ISG20: variants seen among roughly 807,000 people sequenced by gnomAD.
The protein encoded by ISG20 is interferon stimulated exonuclease gene 20, also known as interferon-stimulated gene 20 kDa protein.
A neutral mutation model predicts 11.1 loss-of-function variants in ISG20; 8 were observed. The observed-to-expected ratio is 0.72, with a 90% CI of 0.42 to 1.30. The LOEUF (loss-of-function observed/expected upper bound fraction) is 1.30. ISG20 is among the 50% of genes most tolerant of loss of function. The pLI is 0.01. For synonymous variants in ISG20, 110 were observed against 101.7 expected (o/e 1.08, Z -0.49); for missense variants, 243 against 250.2 (o/e 0.97, Z 0.19).
At chr15:88,636,777 C>T (rs1470192120), upstream of ISG20, among the ~76,000 whole-genome samples, 7 of 152,140 alleles carry the variant, frequency 4.6e-5, no homozygotes, top group African/African-American at 7.2e-5. Flanking sequence ...CAAGCAAATC[C>T]GCCTCAGCCT....
At chr15:88,651,994 T>G in intron 2 of ISG20, 116 bp from the exon 3 acceptor site, 10 of 1,533,628 alleles carry the variant, frequency 6.5e-6, no homozygotes, top group Non-Finnish European at 8.8e-6. Flanking sequence ...CAGGGAGGAC[T>G]GATAATTTGC....
In ISG20 at chr15:88,656,404, A is replaced by C. The variant is rs1365830017; in HGVS notation, c.*873A>C. 1 of 152,114 alleles carries C rather than the reference A, an allele frequency of 6.6e-6. No homozygotes were observed. Among genetic ancestry groups the C allele is most frequent in the Non-Finnish European group, 1.5e-5 (1 of 68,036 alleles). The allele number at this position is 152,114 out of a possible 1,614,324, so 9.4% of individuals were successfully genotyped here. On this transcript the variant is annotated 3_prime_UTR_variant, in exon 4 of 4. Transcript: ENST00000306072. ...GACCAGAGCTGTCCCTGATCGCTAG[A>C]ATCAACGGCAGAATTCTTGTTATTT...
At chr15:88,644,936 C>T (rs567387872) in intron 2 of ISG20, among the ~76,000 whole-genome samples, 9 of 152,226 alleles carry the variant, frequency 5.9e-5, no homozygotes, top group African/African-American at 9.6e-5. Flanking sequence ...CCTGGAAAAC[C>T]GCAATTCCCT....
rs977919627 is a variant in ISG20 at position 88,639,894 on chromosome 15, C to A, written c.228+300C>A. 2.0e-5 allele frequency among the ~76,000 whole-genome samples: 3 copies of A among 152,210 alleles called. No homozygotes were observed. The highest frequency in any genetic ancestry group is 2.9e-5 in the Non-Finnish European group (2 of 68,038). ...CACAGTGACTTGGGGTCTACATTCC[C>A]CATTCTTCCCTCTACCCCAGGCTGC... is the stretch of plus-strand genomic sequence containing the variant. On this transcript the variant is annotated intron_variant, in intron 2 of 3. Transcript: ENST00000306072. This position sits in a 1 kb window ranked among gnomAD's most constrained non-coding sequence, Gnocchi z 4.2.
In ISG20 at chr15:88,655,536, C is replaced by T; in HGVS notation, c.*5C>T. 6.2e-7 allele frequency: 1 copy of T among 1,610,906 alleles called. No homozygotes were observed. The highest frequency in any genetic ancestry group is 8.5e-7 in the Non-Finnish European group (1 of 1,177,786). On this transcript the variant is annotated 3_prime_UTR_variant, in exon 4 of 4. Transcript: ENST00000306072. The stretch of plus-strand genomic sequence containing the variant: ...CGCCTGGCTGTGTCAGACTGAAGCC[C>T]CATCCAGCCCGTTCCGCAGGGACTA...
intron 2 of ISG20, among the ~76,000 whole-genome samples, chr15:88,641,977 A>G (rs142173027): frequency 6.1e-4 from 77 of 126,182 alleles, no homozygotes; most frequent in African/African-American, 1.6e-3. Context: ...TCTGTTGTCT[A>G]GGCTGGACTG....
At chr15:88,641,830 C>T (rs570162831) in intron 2 of ISG20, among the ~76,000 whole-genome samples, 14 of 151,734 alleles carry the variant, frequency 9.2e-5, no homozygotes, top group African/African-American at 3.1e-4. Context: ...TGGGGTTTTA[C>T]CATGTTGGCC....
rs560329491 is a variant in ISG20 at position 88,649,990 on chromosome 15, T to A, written c.229-2120T>A. ...TCTCTGAGCCTCAGTCTCCTGTGGTTGCCAGGGGAGAACATGTAAAAGGGA... is the reference window on the plus strand; with the variant it reads ...TCTCTGAGCCTCAGTCTCCTGTGGTAGCCAGGGGAGAACATGTAAAAGGGA... On this transcript the variant is annotated intron_variant, in intron 2 of 3. Transcript: ENST00000306072. The A allele has an allele frequency of 1.2e-4, 61 of 513,838 alleles. No individual in the cohort carries two copies. In the East Asian group the frequency reaches 1.6e-3, roughly 13 times the overall value. 31.8% of individuals were successfully genotyped at this position (513,838 alleles called of 1,614,324 possible).
At position 88,652,263 on chromosome 15, in the gene ISG20, GT is replaced by G; in HGVS notation, c.383del (p.Val128AlafsTer6). The G allele has an allele frequency of 6.2e-7, 1 of 1,613,752 alleles. No individual in the cohort carries two copies. The highest frequency in any genetic ancestry group is 8.5e-7 in the Non-Finnish European group (1 of 1,179,762). On this transcript the variant is annotated frameshift_variant, in exon 3 of 4. Transcript: ENST00000306072. LOFTEE classifies it low-confidence loss of function (END_TRUNC). ...GGCCAAGCTGGACCACTGCAGGCGT[GT>G]CTCCCTGCGGGTGCTGAGTGAGCGC... ...REAKLDHCRRVSLRVLSERLL... is the reference protein window; with the variant it reads ...REAKLDHCRRXSLRVLSERLL...
At chr15:88,641,779 G>C (rs545439851) in intron 2 of ISG20, among the ~76,000 whole-genome samples, 14 of 151,786 alleles carry the variant, frequency 9.2e-5, no homozygotes, top group Non-Finnish European at 1.6e-4. Context: ...CTACAGGCAC[G>C]AGCCACCACA....
chr15:88,642,294 G>A (rs190348433), intron 2 of ISG20, among the ~76,000 whole-genome samples: 11 of 152,244 alleles, frequency 7.2e-5, no homozygotes, highest in African/African-American at 2.4e-4. Context: ...ACTCCAGTGT[G>A]ACTTCATCCT....
At chr15:88,651,858 C>T in intron 2 of ISG20, 2 of 1,352,332 alleles carry the variant, frequency 1.5e-6, no homozygotes, top group South Asian at 1.6e-5. Flanking sequence ...GATGTACTAA[C>T]CATTGCTCCT....
Position 88,650,639 on chromosome 15 carries a change from G to C in ISG20, c.229-1471G>C. The C allele has an allele frequency of 2.7e-6, 1 of 370,890 alleles. No individual in the cohort carries two copies. The highest frequency in any genetic ancestry group is 7.9e-5 in the East Asian group (1 of 12,672). 23.0% of individuals were successfully genotyped at this position (370,890 alleles called of 1,614,324 possible). On this transcript the variant is annotated intron_variant, in intron 2 of 3. Transcript: ENST00000306072. This position sits in a 1 kb window ranked among gnomAD's most constrained non-coding sequence, Gnocchi z 4.0. The stretch of plus-strand genomic sequence containing the variant: ...CAGTTAAGGCACCTTGAAGGCTGGG[G>C]GCTGGAACCATTGGAAGGTTTGCTC...
At chr15:88,641,016 G>A (rs144962598) in intron 2 of ISG20, among the ~76,000 whole-genome samples, 26 of 150,738 alleles carry the variant, frequency 1.7e-4, no homozygotes, top group East Asian at 1.4e-3. Flanking sequence ...TTTTTTAACC[G>A]GAGTCTCTCT....
intron 2 of ISG20, chr15:88,651,177 A>G: frequency 1.0e-6 from 1 of 984,286 alleles, no homozygotes; most frequent in Non-Finnish European, 1.2e-6. Context: ...AAGAGTGTCA[A>G]GGAATTTGCA....
chr15:88,653,515 A>G (rs7169823), intron 3 of ISG20, among the ~76,000 whole-genome samples: 6,270 of 152,202 alleles, frequency 0.041, 295 homozygotes, highest in African/African-American at 0.12. Flanking sequence ...CTCAAGGCAC[A>G]TAAGGCACAT....
intron 3 of ISG20, among the ~76,000 whole-genome samples, chr15:88,653,406 G>T (rs548530069): frequency 6.6e-6 from 1 of 152,158 alleles, no homozygotes; most frequent in Admixed American, 6.5e-5. Flanking sequence ...GAGGCTCGGG[G>T]AGGGGCTGGG....
At chr15:88,655,267 A>G (rs1167101516) in intron 3 of ISG20, 148 bp from the exon 4 acceptor site, 6 of 697,014 alleles carry the variant, frequency 8.6e-6, no homozygotes, top group Non-Finnish European at 7.4e-6. Context: ...GAGTCTCCTA[A>G]GTCCAGAGTG....
At chr15:88,651,388 G>T in intron 2 of ISG20, 1 of 740,624 alleles carries the variant, frequency 1.4e-6, no homozygotes, top group Non-Finnish European at 1.6e-6. Flanking sequence ...GAAGTTCAGC[G>T]TGGGTCTCAC....
Sources: allele counts gnomAD v4.1 joint callset (sites outside exome capture counted in the v4.1 genomes callset), GRCh38; gene constraint gnomAD v4.1.1; non-coding constraint Gnocchi (gnomAD v3.1); transcripts MANE v1.5; gene names NCBI Gene and HGNC (gene_info 2026-07-23, HGNC 2026-07-21).